Variants in MSH3 observed in about 807,000 individuals in gnomAD.
The protein encoded by MSH3 is DNA mismatch repair protein Msh3.
A neutral mutation model predicts 123.3 loss-of-function variants in MSH3; 106 were observed. The observed-to-expected ratio is 0.86, with a 90% CI of 0.73 to 1.01. The LOEUF (loss-of-function observed/expected upper bound fraction) is 1.01. Ranked by LOEUF, MSH3 falls within the 50% of genes least tolerant of loss-of-function variation. The probability of loss-of-function intolerance (pLI) is 0.00; values close to 1 mark genes in which losing one functional copy is unlikely to be tolerated. For missense variants in MSH3, 1,459 were observed against 1,347.6 expected (o/e 1.08, Z -1.29); for synonymous variants, 515 against 481.4 (o/e 1.07, Z -0.91).
At chr5:80,751,415 G>A (rs1743834804) in intron 12 of MSH3, among the ~76,000 whole-genome samples, 1 of 152,114 alleles carries the variant, frequency 6.6e-6, no homozygotes, top group Non-Finnish European at 1.5e-5. Context: ...ACAAGCAATG[G>A]GGAAAGGATT....
intron 9 of MSH3, among the ~76,000 whole-genome samples, chr5:80,726,761 C>T (rs1743309101): frequency 6.6e-6 from 1 of 152,154 alleles, no homozygotes; most frequent in East Asian, 1.9e-4. Flanking sequence ...TGAGCCACTG[C>T]GCCCAGCCAA....
In MSH3 at chr5:80,743,526, C is replaced by G. The variant is rs1743654938; in HGVS notation, c.1654-980C>G. ...GAGGTACTCTGGAAGTAGCTACTTA[C>G]AGAGGAGAAGGAAAAAAGAAAGGAT... On this transcript the variant is annotated intron_variant, in intron 11 of 23. Coordinates refer to ENST00000265081, the MANE Select transcript of MSH3 (RefSeq NM_002439.5). Among the ~76,000 whole-genome samples, 3 of 151,930 alleles carry G rather than the reference C, an allele frequency of 2.0e-5. No individual in the cohort carries two copies. The South Asian group carries it at 6.2e-4, about 32-fold the overall frequency.
At chr5:80,782,733 C>T (rs1054317840) in intron 17 of MSH3, among the ~76,000 whole-genome samples, 1 of 152,146 alleles carries the variant, frequency 6.6e-6, no homozygotes, top group Admixed American at 6.5e-5. Context: ...TTGAGAGCAG[C>T]ATTGATTGTT....
At chr5:80,727,957 G>A (rs542731401) in intron 9 of MSH3, among the ~76,000 whole-genome samples, 15 of 152,210 alleles carry the variant, frequency 9.9e-5, no homozygotes, top group African/African-American at 3.6e-4. Context: ...AGTATTTCAA[G>A]CAGAGACAAC....
intron 8 of MSH3, among the ~76,000 whole-genome samples, chr5:80,699,609 C>T (rs1750563571): frequency 7.0e-6 from 1 of 143,358 alleles, no homozygotes; most frequent in Non-Finnish European, 1.5e-5. Flanking sequence ...GAAATCTATA[C>T]ATTAACATAT....
At chr5:80,674,955 A>G (rs1283723660) in intron 6 of MSH3, 28 bp from the exon 7 acceptor site, 3 of 1,476,954 alleles carry the variant, frequency 2.0e-6, no homozygotes, top group Non-Finnish European at 9.3e-7. Context: ...AATTTAGCAT[A>G]TAATTATTTT....
At chr5:80,742,760 T>C (rs1449741654) in intron 11 of MSH3, among the ~76,000 whole-genome samples, 2 of 152,184 alleles carry the variant, frequency 1.3e-5, no homozygotes, top group East Asian at 3.9e-4. Flanking sequence ...GTCAACTCTG[T>C]AGCCATCTCC....
intron 20 of MSH3, among the ~76,000 whole-genome samples, chr5:80,826,222 C>T (rs1325763903): frequency 6.6e-6 from 1 of 152,188 alleles, no homozygotes; most frequent in African/African-American, 2.4e-5. Context: ...AAAGCTCATG[C>T]TAAGCTTAAA....
At chr5:80,661,445 TAATAA>T (rs971199417) in intron 2 of MSH3, among the ~76,000 whole-genome samples, 18 of 152,210 alleles carry the variant, frequency 1.2e-4, no homozygotes, top group African/African-American at 4.1e-4. Flanking sequence ...AAATCTCGTT[TAATAA>T]AATGTTCGTT....
At position 80,690,862 on chromosome 5, in the gene MSH3, G is replaced by A. The variant is rs1385706976; in HGVS notation, c.1340+11769G>A. ...AGTAGAAGTTACCAGAGTATATCAC[G>A]TGTAGTAAGGGTAAGTATTTCATGA... On this transcript the variant is annotated intron_variant, in intron 8 of 23. Transcript: ENST00000265081. Among the ~76,000 whole-genome samples the A allele has an allele frequency of 2.0e-5, 3 of 152,086 alleles. No homozygotes were observed. In the East Asian group the frequency reaches 5.8e-4, roughly 29 times the overall value.
At chr5:80,801,818 G>C (rs1744795140) in intron 19 of MSH3, among the ~76,000 whole-genome samples, 6 of 152,132 alleles carry the variant, frequency 3.9e-5, no homozygotes, top group Admixed American at 3.9e-4. Flanking sequence ...GATTTTAGAG[G>C]GGAGGAAACT....
intron 20 of MSH3, among the ~76,000 whole-genome samples, chr5:80,852,241 C>T (rs889982301): frequency 6.6e-6 from 1 of 152,168 alleles, no homozygotes; most frequent in African/African-American, 2.4e-5. Flanking sequence ...TGGGCACTCG[C>T]TTGAGCCTGG....
chr5:80,830,876 G>A (rs1745404778), intron 20 of MSH3, among the ~76,000 whole-genome samples: 1 of 152,132 alleles, frequency 6.6e-6, no homozygotes. Context: ...TTGCTACAGT[G>A]GGTTTTGCTT....
intron 19 of MSH3, among the ~76,000 whole-genome samples, chr5:80,796,548 A>G (rs1458749508): frequency 6.6e-6 from 1 of 152,198 alleles, no homozygotes; most frequent in Non-Finnish European, 1.5e-5. Context: ...AATTTAAAAT[A>G]TTTTATGGAT....
At chr5:80,865,497 C>T (rs1173187786) in intron 22 of MSH3, among the ~76,000 whole-genome samples, 2 of 152,158 alleles carry the variant, frequency 1.3e-5, no homozygotes, top group African/African-American at 4.8e-5. Flanking sequence ...CTTCTGGGTT[C>T]TCTTCTGTTC....
At chr5:80,854,391 T>G (rs1463763331) in intron 21 of MSH3, 75 bp downstream of exon 21, 2 of 1,384,352 alleles carry the variant, frequency 1.4e-6, no homozygotes, top group Non-Finnish European at 2.0e-6. Context: ...GTCATAATTG[T>G]GCCATATTTA....
intron 20 of MSH3, among the ~76,000 whole-genome samples, chr5:80,848,189 C>T (rs1022645945): frequency 6.6e-6 from 1 of 152,198 alleles, no homozygotes; most frequent in African/African-American, 2.4e-5. Flanking sequence ...GTGTTCATGC[C>T]ACTGTACTGC....
intron 8 of MSH3, among the ~76,000 whole-genome samples, chr5:80,718,326 G>T (rs917932263): frequency 1.3e-5 from 2 of 152,034 alleles, no homozygotes; most frequent in Admixed American, 6.6e-5. Flanking sequence ...GCTATGTTGC[G>T]CAGGTGAGTT....
intron 19 of MSH3, among the ~76,000 whole-genome samples, chr5:80,795,555 A>G (rs1031594043): frequency 1.3e-5 from 2 of 152,148 alleles, no homozygotes; most frequent in African/African-American, 4.8e-5. Flanking sequence ...TGAACTTGTC[A>G]TCTCCTGAAG....
Sources: gnomAD v4.1 joint callset for allele counts (sites outside exome capture counted in the v4.1 genomes callset) on GRCh38, gnomAD v4.1.1 for gene constraint, MANE v1.5 for transcripts, NCBI Gene and HGNC (gene_info 2026-07-23, HGNC 2026-07-21) for gene names.